IFRD1: variants seen among roughly 807,000 people sequenced by gnomAD.
IFRD1 encodes interferon related developmental regulator 1, also known as interferon-related developmental regulator 1.
A neutral mutation model predicts 52.9 loss-of-function variants in IFRD1; 35 were observed. The observed-to-expected ratio is 0.66, with a 90% CI of 0.51 to 0.88. IFRD1 has a LOEUF of 0.88. IFRD1 is among the 40% of genes least tolerant of loss of function. The pLI is 0.00. For synonymous variants in IFRD1, 184 were observed against 188.4 expected (o/e 0.98, Z 0.19); for missense variants, 517 against 550.8 (o/e 0.94, Z 0.61).
At chr7:112,468,590 C>T (rs1037426065) in intron 9 of IFRD1, among the ~76,000 whole-genome samples, 2 of 152,166 alleles carry the variant, frequency 1.3e-5, no homozygotes, top group Non-Finnish European at 2.9e-5. Context: ...ACCTCCGCCT[C>T]CCGGGTTCAA....
At chr7:112,444,071 G>A (rs759378590) in intron 1 of IFRD1, among the ~76,000 whole-genome samples, 2 of 152,120 alleles carry the variant, frequency 1.3e-5, no homozygotes, top group Admixed American at 6.5e-5. Flanking sequence ...TCCTACTTAC[G>A]CTGTTGCCAT....
At chr7:112,438,033 T>C (rs1248812070) in intron 1 of IFRD1, among the ~76,000 whole-genome samples, 4 of 152,270 alleles carry the variant, frequency 2.6e-5, no homozygotes, top group Admixed American at 6.5e-5. Flanking sequence ...GTAGAGTGGA[T>C]ATGTTTTTCA....
chr7:112,440,764 A>T (rs1284447011), intron 1 of IFRD1, among the ~76,000 whole-genome samples: 1 of 152,240 alleles, frequency 6.6e-6, no homozygotes, highest in Non-Finnish European at 1.5e-5. Flanking sequence ...AGGAGTGCTA[A>T]GGAGAAACTG....
Position 112,470,202 on chromosome 7 carries a change from G to A in IFRD1, c.1042-2017G>A, listed in dbSNP as rs532393586. 6.6e-5 allele frequency among the ~76,000 whole-genome samples: 10 copies of A among 152,270 alleles called. No individual in the cohort carries two copies. The East Asian group carries it at 1.7e-3, about 26-fold the overall frequency. On this transcript the variant is annotated intron_variant, in intron 9 of 11. Coordinates refer to ENST00000403825, the MANE Select transcript of IFRD1 (RefSeq NM_001550.4). ...ATTATACCTCTTAAGCAATAGAATAGTCTCCTTCTAAAGGAGAAATGGGGA... is the reference window on the plus strand; with the variant it reads ...ATTATACCTCTTAAGCAATAGAATAATCTCCTTCTAAAGGAGAAATGGGGA...
At chr7:112,430,056 TG>T (rs1166047301) in intron 1 of IFRD1, among the ~76,000 whole-genome samples, 1 of 152,102 alleles carries the variant, frequency 6.6e-6, no homozygotes, top group Non-Finnish European at 1.5e-5. Context: ...AGAGGTATGG[TG>T]GGGTTGACAG....
chr7:112,425,670 T>C (rs896111799), intron 1 of IFRD1, among the ~76,000 whole-genome samples: 5 of 152,168 alleles, frequency 3.3e-5, no homozygotes, highest in South Asian at 2.1e-4. Context: ...AGGTGGCCTA[T>C]TGTGGGACTC....
chr7:112,475,407 G>A (rs374575751), intron 11 of IFRD1, 23 bp from the exon 12 acceptor site: 8 of 1,448,322 alleles, frequency 5.5e-6, no homozygotes, highest in South Asian at 1.2e-5. Flanking sequence ...ACTGATGCAC[G>A]TTTTTCCTTT....
chr7:112,424,436 CAG>C (rs1794385514), intron 1 of IFRD1, among the ~76,000 whole-genome samples: 1 of 149,724 alleles, frequency 6.7e-6, no homozygotes, highest in African/African-American at 2.5e-5. Flanking sequence ...TTTTTTGAGA[CAG>C]AGTTTCGCTC....
chr7:112,475,364 CT>C, intron 11 of IFRD1, 65 bp from the exon 12 acceptor site: 2 of 884,428 alleles, frequency 2.3e-6, no homozygotes, highest in Non-Finnish European at 1.9e-6. Flanking sequence ...GACTTTTACC[CT>C]TTTTCTGTTT....
intron 1 of IFRD1, among the ~76,000 whole-genome samples, chr7:112,431,807 G>C (rs1219005867): frequency 6.6e-6 from 1 of 152,170 alleles, no homozygotes; most frequent in Non-Finnish European, 1.5e-5. Context: ...GATCTTTTTG[G>C]AAACTCCTTT....
Position 112,456,910 on chromosome 7 carries a change from A to G in IFRD1, c.285-4A>G. 3 of 1,613,734 alleles carry G rather than the reference A, an allele frequency of 1.9e-6. No homozygotes were observed. Among genetic ancestry groups the G allele is most frequent in the Non-Finnish European group, 2.5e-6 (3 of 1,179,648 alleles). ...TTCTTTCTCTTACATTGGGTGTTAAATAGTGCGAAGACAAGGCAAGCAGCT... is the reference window on the plus strand; with the variant it reads ...TTCTTTCTCTTACATTGGGTGTTAAGTAGTGCGAAGACAAGGCAAGCAGCT... On this transcript the variant is annotated splice_polypyrimidine_tract_variant and splice_region_variant and intron_variant, in intron 3 of 11. Coordinates refer to ENST00000403825, the MANE Select transcript of IFRD1 (RefSeq NM_001550.4).
chr7:112,473,359 A>C (rs1490730706), intron 11 of IFRD1, among the ~76,000 whole-genome samples: 1 of 152,130 alleles, frequency 6.6e-6, no homozygotes, highest in Non-Finnish European at 1.5e-5. Flanking sequence ...GTGAAGTACC[A>C]GACTCGTTTT....
At chr7:112,456,160 T>C in intron 3 of IFRD1, 74 bp downstream of exon 3, 3 of 844,780 alleles carry the variant, frequency 3.6e-6, no homozygotes, top group African/African-American at 1.7e-5. Context: ...GAAATGATTA[T>C]TCTGTGTGAT....
At chr7:112,438,183 C>T (rs559550554) in intron 1 of IFRD1, among the ~76,000 whole-genome samples, 71 of 152,172 alleles carry the variant, frequency 4.7e-4, no homozygotes, top group Admixed American at 1.3e-3. Context: ...GAATACATTA[C>T]TTAATTGCTT....
intron 1 of IFRD1, chr7:112,435,308 A>C (rs1406134973): frequency 2.0e-5 from 3 of 152,228 alleles, no homozygotes; most frequent in Non-Finnish European, 2.9e-5. Context: ...GAGGCACTCC[A>C]GGGCTTATTC....
At chr7:112,473,028 G>T (rs1191013397) in intron 11 of IFRD1, among the ~76,000 whole-genome samples, 167 bp downstream of exon 11, 2 of 111,984 alleles carry the variant, frequency 1.8e-5, no homozygotes, top group Admixed American at 9.7e-5. Context: ...AGTGTGGGGG[G>T]CGTGTGTGTG....
At chr7:112,460,904 C>G (rs143941023) in intron 5 of IFRD1, among the ~76,000 whole-genome samples, 2,131 of 152,220 alleles carry the variant, frequency 0.014, 23 homozygotes, top group Middle Eastern at 0.024. Flanking sequence ...AATAAAATCT[C>G]AGATTACAAA....
intron 1 of IFRD1, among the ~76,000 whole-genome samples, chr7:112,453,020 AAAT>A (rs1441593409): frequency 6.6e-6 from 1 of 152,196 alleles, no homozygotes; most frequent in East Asian, 1.9e-4. Context: ...AACAATGAAT[AAAT>A]AATAGTTGAG....
intron 1 of IFRD1, among the ~76,000 whole-genome samples, chr7:112,427,202 G>A (rs557308703): frequency 1.1e-4 from 17 of 152,324 alleles, no homozygotes; most frequent in African/African-American, 3.8e-4. Flanking sequence ...ATAACAAACC[G>A]ACTCTCAAGA....
Sources: gnomAD v4.1 joint callset for allele counts (sites outside exome capture counted in the v4.1 genomes callset) on GRCh38, gnomAD v4.1.1 for gene constraint, MANE v1.5 for transcripts, NCBI Gene and HGNC (gene_info 2026-07-23, HGNC 2026-07-21) for gene names.